Variants in GCNT4 observed in about 807,000 individuals in gnomAD.
GCNT4 encodes the protein glucosaminyl (N-acetyl) transferase 4.
Under a neutral mutation model 31.3 loss-of-function variants are expected in GCNT4, and 17 were observed. The observed-to-expected ratio is 0.54, with a 90% CI of 0.37 to 0.81. GCNT4 has a LOEUF of 0.81. GCNT4 is among the 40% of genes least tolerant of loss of function. GCNT4 has a pLI of 0.00. For missense variants in GCNT4, 503 were observed against 525.5 expected (o/e 0.96, Z 0.42); for synonymous variants, 158 against 190.6 (o/e 0.83, Z 1.41).
chr5:75,037,473 G>A (rs545376768), intron 3 of GCNT4, among the ~76,000 whole-genome samples: 12 of 152,076 alleles, frequency 7.9e-5, no homozygotes, highest in Non-Finnish European at 1.3e-4. Flanking sequence ...CGTATGACTC[G>A]GTCAGAAATC....
intron 3 of GCNT4, among the ~76,000 whole-genome samples, chr5:75,032,880 T>G (rs879511612): frequency 0.086 from 5,960 of 69,254 alleles, 176 homozygotes; most frequent in Non-Finnish European, 0.11. Context: ...GGGGTGTGTG[T>G]GTGTGTGTGT....
intron 3 of GCNT4, among the ~76,000 whole-genome samples, chr5:75,043,279 A>C (rs1263789653): frequency 6.6e-6 from 1 of 152,226 alleles, no homozygotes; most frequent in Non-Finnish European, 1.5e-5. Context: ...TGCCAGCATA[A>C]AAAGAGATCT....
intron 3 of GCNT4, among the ~76,000 whole-genome samples, chr5:75,035,367 G>C (rs868438882): frequency 1.3e-5 from 2 of 152,254 alleles, no homozygotes; most frequent in Non-Finnish European, 2.9e-5. Context: ...AGGAAAAAAG[G>C]ACAGAGTAAG....
At chr5:75,023,313 A>T (rs1030971380), downstream of GCNT4, among the ~76,000 whole-genome samples, 1 of 152,226 alleles carries the variant, frequency 6.6e-6, no homozygotes, top group Non-Finnish European at 1.5e-5. Context: ...ACAATTTCAC[A>T]TAAGTAGAGG....
Position 75,026,624 on chromosome 5 carries a change from T to C in GCNT4, c.*2052A>G, listed in dbSNP as rs1237811419. On this transcript the variant is annotated 3_prime_UTR_variant, in exon 4 of 4. Coordinates refer to ENST00000652361, the MANE Select transcript of GCNT4 (RefSeq NM_001366737.1). ...TTGTACCTATTTTCAAACCACTTCA[T>C]ATACTATTTCAATCGATTCTCACAA... 1.6e-5 allele frequency: 2 copies of C among 126,404 alleles called. No individual in the cohort carries two copies. Among genetic ancestry groups the C allele is most frequent in the Non-Finnish European group, 1.6e-5 (1 of 63,946 alleles). 7.8% of individuals were successfully genotyped at this position (126,404 alleles called of 1,614,324 possible).
chr5:75,033,890 T>C (rs1024747473), intron 3 of GCNT4, among the ~76,000 whole-genome samples: 19 of 152,128 alleles, frequency 1.2e-4, no homozygotes, highest in South Asian at 6.2e-4. Flanking sequence ...CCTGTGTCCA[T>C]GTGTTCTCAC....
intron 3 of GCNT4, among the ~76,000 whole-genome samples, chr5:75,038,287 CTTAA>C (rs1401371622): frequency 6.6e-6 from 1 of 152,204 alleles, no homozygotes. Context: ...TCCACCAATC[CTTAA>C]TTAATAAACC....
chr5:75,020,159 C>T, the GCNT4 span, among the ~76,000 whole-genome samples: 1 of 152,204 alleles, frequency 6.6e-6, no homozygotes, highest in African/African-American at 2.4e-5. Flanking sequence ...CAGGTGCATA[C>T]TCCACTTGTT....
chr5:75,052,339 A>G (rs1743592623), intron 1 of GCNT4, 90 bp downstream of exon 1: 1 of 152,020 alleles, frequency 6.6e-6, no homozygotes, highest in East Asian at 1.9e-4. Flanking sequence ...GGGACAATAC[A>G]CTGTTTCCCA....
chr5:75,045,376 A>C (rs1743414912), intron 3 of GCNT4, among the ~76,000 whole-genome samples: 2 of 152,230 alleles, frequency 1.3e-5, no homozygotes, highest in African/African-American at 4.8e-5. Flanking sequence ...CATAGGAATC[A>C]TACAATATTT....
At chr5:75,034,011 T>G (rs1411560682) in intron 3 of GCNT4, among the ~76,000 whole-genome samples, 1 of 152,232 alleles carries the variant, frequency 6.6e-6, no homozygotes, top group Admixed American at 6.5e-5. Context: ...GCAAAGGACA[T>G]GAACTCATTC....
chr5:75,019,770 A>G, the GCNT4 span, among the ~76,000 whole-genome samples: 1 of 152,208 alleles, frequency 6.6e-6, no homozygotes, highest in Non-Finnish European at 1.5e-5. Context: ...ATTCTTCTAA[A>G]TGTTGTTGAT....
Position 75,028,297 on chromosome 5 carries a change from A to C in GCNT4, c.*379T>G. 5.4e-6 allele frequency: 1 copy of C among 184,774 alleles called. No individual in the cohort carries two copies. Among genetic ancestry groups the C allele is most frequent in the Admixed American group, 5.6e-5 (1 of 17,878 alleles). 11.4% of individuals were successfully genotyped at this position (184,774 alleles called of 1,614,324 possible). A position where few individuals can be genotyped will look rare whatever the true frequency, so the allele number is the denominator to read the frequency against. ...ATCAGACGATTACCACAAACTTCAAAAGCTTCTTCAGTAGAATCCTGACTG... is the reference window on the plus strand; with the variant it reads ...ATCAGACGATTACCACAAACTTCAACAGCTTCTTCAGTAGAATCCTGACTG... On this transcript the variant is annotated 3_prime_UTR_variant, in exon 4 of 4. Transcript: ENST00000652361.
chr5:75,018,219 C>A, the GCNT4 span, among the ~76,000 whole-genome samples: 2 of 152,188 alleles, frequency 1.3e-5, no homozygotes, highest in Non-Finnish European at 2.9e-5. Flanking sequence ...GAGAAACTTA[C>A]AACTCAGCAT....
At chr5:75,046,116 T>C (rs1413035910) in intron 3 of GCNT4, among the ~76,000 whole-genome samples, 1 of 152,208 alleles carries the variant, frequency 6.6e-6, no homozygotes, top group Non-Finnish European at 1.5e-5. Context: ...TTTTTTCACA[T>C]TGTAACTCTG....
intron 3 of GCNT4, among the ~76,000 whole-genome samples, chr5:75,045,773 G>T (rs1447998794): frequency 1.3e-5 from 2 of 152,214 alleles, no homozygotes; most frequent in Non-Finnish European, 2.9e-5. Context: ...GATACAACTA[G>T]AAACTCTACT....
the GCNT4 span, among the ~76,000 whole-genome samples, chr5:75,018,710 A>C: frequency 1.3e-5 from 2 of 152,200 alleles, no homozygotes; most frequent in South Asian, 4.1e-4. Flanking sequence ...CAGAGCAAAA[A>C]ATGCTATAAA....
chr5:75,050,571 C>G (rs1743546526), intron 2 of GCNT4, among the ~76,000 whole-genome samples: 1 of 152,132 alleles, frequency 6.6e-6, no homozygotes, highest in Non-Finnish European at 1.5e-5. Flanking sequence ...AGCGAGTGCA[C>G]TATGTGGCCA....
chr5:75,050,435 C>T (rs1385653020), intron 2 of GCNT4, among the ~76,000 whole-genome samples: 1 of 152,072 alleles, frequency 6.6e-6, no homozygotes, highest in Non-Finnish European at 1.5e-5. Flanking sequence ...CCTAGCCCTC[C>T]GTCCCACCTC....
Sources: gnomAD v4.1 joint callset for allele counts (sites outside exome capture counted in the v4.1 genomes callset) on GRCh38, gnomAD v4.1.1 for gene constraint, MANE v1.5 for transcripts, NCBI Gene and HGNC (gene_info 2026-07-23, HGNC 2026-07-21) for gene names.